The following DNAJC10 variants were observed in gnomAD, a reference collection of about 807,000 sequenced individuals.
The protein encoded by DNAJC10 is DnaJ heat shock protein family (Hsp40) member C10.
In DNAJC10, 101 loss-of-function variants were observed where a neutral mutation model predicts 115.0. The ratio of observed to expected loss-of-function variants is 0.88; its 90% CI spans 0.75 to 1.04. The LOEUF is 1.04. Among genes scored for constraint, DNAJC10 ranks in the 50% least tolerant of loss-of-function variants. The pLI, the probability that DNAJC10 is intolerant of heterozygous loss-of-function variation, is 0.00. For synonymous variants in DNAJC10, 307 were observed against 301.5 expected (o/e 1.02, Z -0.19); for missense variants, 981 against 928.8 (o/e 1.06, Z -0.73).
At position 182,792,551 on chromosome 2, in the gene DNAJC10, C is replaced by T. The variant is rs1400861078; in HGVS notation, c.*15419C>T. On this transcript the variant is annotated 3_prime_UTR_variant, in exon 24 of 24. Transcript: ENST00000264065. ...TGTTTGAAAGAACACCTCTTTGCTC[C>T]CCACAGATTACAGACCTATTGGCTT... The T allele has an allele frequency of 6.6e-6, 1 of 152,158 alleles. No individual in the cohort carries two copies. Among genetic ancestry groups the T allele is most frequent in the African/African-American group, 2.4e-5 (1 of 41,432 alleles). The allele number at this position is 152,158 out of a possible 1,614,324, so 9.4% of individuals were successfully genotyped here.
In DNAJC10 at chr2:182,792,843, T is replaced by G. The variant is rs1222462848; in HGVS notation, c.*15711T>G. The G allele has an allele frequency of 1.3e-5, 2 of 152,196 alleles. No individual in the cohort carries two copies. The highest frequency in any genetic ancestry group is 2.9e-5 in the Non-Finnish European group (2 of 68,040). The allele number at this position is 152,196 out of a possible 1,614,324, so 9.4% of individuals were successfully genotyped here. A position where few individuals can be genotyped will look rare whatever the true frequency, so the allele number is the denominator to read the frequency against. Reference sequence around the variant, plus strand: ...AATGTGCTAGGCTTTGTTCTATGCATTTAAGATAGTGTATTAAATGTATTG... The same window carrying G: ...AATGTGCTAGGCTTTGTTCTATGCAGTTAAGATAGTGTATTAAATGTATTG... On this transcript the variant is annotated 3_prime_UTR_variant, in exon 24 of 24. Transcript: ENST00000264065.
chr2:182,762,294 T>C (rs1012154821), intron 21 of DNAJC10, among the ~76,000 whole-genome samples: 1 of 152,076 alleles, frequency 6.6e-6, no homozygotes, highest in South Asian at 2.1e-4. Flanking sequence ...AGAATACAGG[T>C]GGAGTAAGTC....
Position 182,743,729 on chromosome 2 carries a change from A to G in DNAJC10, c.1306+17A>G, listed in dbSNP as rs781146087. 3 of 1,520,752 alleles carry G rather than the reference A, an allele frequency of 2.0e-6. No individual in the cohort carries two copies. Among genetic ancestry groups the G allele is most frequent in the Non-Finnish European group, 2.7e-6 (3 of 1,115,042 alleles). 94.2% of individuals were successfully genotyped at this position (1,520,752 alleles called of 1,614,324 possible). ...TTCATCATGGTAAGAATGGAAAAAA[A>G]TGATAAAAAAAAACTTAGCTTCATT... On this transcript the variant is annotated intron_variant, in intron 14 of 23. Coordinates refer to ENST00000264065, the MANE Select transcript of DNAJC10 (RefSeq NM_018981.4).
At position 182,784,759 on chromosome 2, in the gene DNAJC10, G is replaced by A. The variant is rs1036434659; in HGVS notation, c.*7627G>A. On this transcript the variant is annotated 3_prime_UTR_variant, in exon 24 of 24. Transcript: ENST00000264065. ...TAAGGTAGCTCTACCTGCTAAAGTA[G>A]CACCTATTCTTTTGAAAGGAACTTT... 6.6e-6 allele frequency: 1 copy of A among 152,148 alleles called. No homozygotes were observed. The highest frequency in any genetic ancestry group is 6.5e-5 in the Admixed American group (1 of 15,270). The allele number at this position is 152,148 out of a possible 1,614,324, so 9.4% of individuals were successfully genotyped here. A position where few individuals can be genotyped will look rare whatever the true frequency, so the allele number is the denominator to read the frequency against.
chr2:182,759,307 G>C lies in DNAJC10; in HGVS notation c.2145G>C (p.Arg715Ser). 1.2e-6 allele frequency: 2 copies of C among 1,608,338 alleles called. No individual in the cohort carries two copies. The highest frequency in any genetic ancestry group is 2.7e-5 in the African/African-American group (2 of 74,682). The change falls in exon 21 of 24, where the codon AGG becomes AGC. Residue 715 changes from arginine to serine, a missense_variant and splice_region_variant. Arg to Ser is a moderately radical substitution (Grantham distance 110). Transcript: ENST00000264065. ...CTCCAGAATTTGAGCTCTTGGCTAG[G>C]GTAAGTCATACCTGTCTTAAATAAG... is the stretch of plus-strand genomic sequence containing the variant. ...NFAPEFELLA[R>S]MIKGKVKAGK...
At position 182,783,722 on chromosome 2, in the gene DNAJC10, A is replaced by G. The variant is rs1559034325; in HGVS notation, c.*6590A>G. The G allele has an allele frequency of 6.6e-6, 1 of 152,118 alleles. No individual in the cohort carries two copies. The highest frequency in any genetic ancestry group is 2.4e-5 in the African/African-American group (1 of 41,440). The allele number at this position is 152,118 out of a possible 1,614,324, so 9.4% of individuals were successfully genotyped here. On this transcript the variant is annotated 3_prime_UTR_variant, in exon 24 of 24. Transcript: ENST00000264065. ...ATGTTTAATGATTTTAAACATGTTT[A>G]TATATATTTTTCAGACTTGGAACAG...
intron 22 of DNAJC10, among the ~76,000 whole-genome samples, chr2:182,774,890 A>C (rs577866670): frequency 1.4e-4 from 22 of 152,328 alleles, no homozygotes; most frequent in South Asian, 6.2e-4. Context: ...AGTCCCAATG[A>C]GAAGAACCAG....
rs761631555 is a variant in DNAJC10 at position 182,728,999 on chromosome 2, G to A, written c.633+5G>A. 2.5e-6 allele frequency: 4 copies of A among 1,613,198 alleles called. No homozygotes were observed. In the East Asian group the frequency reaches 6.7e-5, roughly 27 times the overall value. On this transcript the variant is annotated splice_donor_5th_base_variant and intron_variant, in intron 7 of 23. Coordinates refer to ENST00000264065, the MANE Select transcript of DNAJC10 (RefSeq NM_018981.4). ...TTCATTTTTCGGTCTGGAATGGTAAGGGATAAAGTTAGCATTTTTTAAATT... is the reference window on the plus strand; with the variant it reads ...TTCATTTTTCGGTCTGGAATGGTAAAGGATAAAGTTAGCATTTTTTAAATT...
Position 182,793,812 on chromosome 2 carries a change from G to T in DNAJC10, c.*16680G>T, listed in dbSNP as rs931592122. ...AGCAATCCTAAAATTTTCCAGAGAG[G>T]AAACACATCACACACACACACACAC... On this transcript the variant is annotated 3_prime_UTR_variant, in exon 24 of 24. Coordinates refer to ENST00000264065, the MANE Select transcript of DNAJC10 (RefSeq NM_018981.4). 1.3e-4 allele frequency: 14 copies of T among 107,774 alleles called. No individual in the cohort carries two copies. The highest frequency in any genetic ancestry group is 2.6e-4 in the Non-Finnish European group (14 of 54,890). 6.7% of individuals were successfully genotyped at this position (107,774 alleles called of 1,614,324 possible). A position where few individuals can be genotyped will look rare whatever the true frequency, so the allele number is the denominator to read the frequency against.
rs1693472484 is a variant in DNAJC10, at chr2:182,732,360, A to C, written c.806-139A>C. 6 of 768,702 alleles carry C rather than the reference A, an allele frequency of 7.8e-6. No homozygotes were observed. The Admixed American group carries it at 1.2e-4, about 15-fold the overall frequency. The allele number at this position is 768,702 out of a possible 1,614,324, so 47.6% of individuals were successfully genotyped here. A position where few individuals can be genotyped will look rare whatever the true frequency, so the allele number is the denominator to read the frequency against. The stretch of plus-strand genomic sequence containing the variant: ...TTTGTATGTGTGTGTGTGTAGAAGG[A>C]TTTCCATATCTATCAATAGAGTCCA... On this transcript the variant is annotated intron_variant, in intron 9 of 23. Coordinates refer to ENST00000264065, the MANE Select transcript of DNAJC10 (RefSeq NM_018981.4).
At chr2:182,768,064 A>G (rs1694462645) in intron 22 of DNAJC10, among the ~76,000 whole-genome samples, 1 of 152,154 alleles carries the variant, frequency 6.6e-6, no homozygotes, top group African/African-American at 2.4e-5. Flanking sequence ...TGGTGGTTAC[A>G]TTTTGTGATG....
Position 182,758,879 on chromosome 2 carries a change from C to G in DNAJC10, c.1986C>G (p.Ile662Met), listed in dbSNP as rs1246457262. 1.2e-6 allele frequency: 2 copies of G among 1,605,868 alleles called. No homozygotes were observed. The highest frequency in any genetic ancestry group is 1.7e-4 in the Middle Eastern group (1 of 6,030). The part of the protein sequence containing the change: ...GWNRDAYSLR[I>M]WGLGFLPQVS... ...ATAGGGATGCTTATTCCCTGAGAAT[C>G]TGGGGTCTAGGGTGAGTAATTAAAA... Residue 662 changes from isoleucine to methionine, a missense_variant, in exon 20 of 24, where the codon ATC becomes ATG. By Grantham distance (10) the Ile-to-Met change is conservative. Coordinates refer to ENST00000264065, the MANE Select transcript of DNAJC10 (RefSeq NM_018981.4).
At chr2:182,766,667 A>G (rs938821338) in intron 22 of DNAJC10, among the ~76,000 whole-genome samples, 1 of 152,172 alleles carries the variant, frequency 6.6e-6, no homozygotes, top group African/African-American at 2.4e-5. Context: ...GATGCTGGAA[A>G]TAGGAAATGA....
intron 4 of DNAJC10, 30 bp downstream of exon 4, chr2:182,720,199 G>A (rs370741044): frequency 9.6e-6 from 15 of 1,559,666 alleles, no homozygotes; most frequent in Non-Finnish European, 1.3e-5. Context: ...CTTATGAAAT[G>A]TGTTTTATCT....
intron 14 of DNAJC10, among the ~76,000 whole-genome samples, chr2:182,746,032 C>A (rs181445625): frequency 3.3e-5 from 5 of 152,236 alleles, no homozygotes; most frequent in Non-Finnish European, 5.9e-5. Context: ...ATGATGATTT[C>A]CAGTTTCATC....
At chr2:182,752,777 T>C (rs1231473152) in intron 16 of DNAJC10, among the ~76,000 whole-genome samples, 1 of 151,590 alleles carries the variant, frequency 6.6e-6, no homozygotes, top group Non-Finnish European at 1.5e-5. Context: ...CTTTAGGAAA[T>C]TGAATGACAG....
Position 182,755,096 on chromosome 2 carries a change from T to C in DNAJC10, c.1645T>C (p.Phe549Leu). Residue 549 changes from phenylalanine (F) to leucine (L), a missense_variant, in exon 17 of 24, where the codon TTC becomes CTC. Physicochemically the swap from Phe to Leu is conservative, Grantham distance 22. Transcript: ENST00000264065. ...TCACTCTGCTGAACAAATCTTGGAG[T>C]TCATAGAGGTATTTCAGATTATAGA... ...GHHSAEQILE[F>L]IEDLMNPSVV... is the part of the protein sequence containing the mutation. 6.3e-7 allele frequency: 1 copy of C among 1,583,808 alleles called. No individual in the cohort carries two copies. Among genetic ancestry groups the C allele is most frequent in the Non-Finnish European group, 8.7e-7 (1 of 1,152,778 alleles).
At chr2:182,747,120 T>G (rs1693888528) in intron 14 of DNAJC10, among the ~76,000 whole-genome samples, 1 of 152,012 alleles carries the variant, frequency 6.6e-6, no homozygotes, top group African/African-American at 2.4e-5. Context: ...ACCATGCTGT[T>G]TTGGTTACTG....
chr2:182,730,856 G>T (rs1433900801), intron 8 of DNAJC10, among the ~76,000 whole-genome samples, 174 bp from the exon 9 acceptor site: 1 of 152,058 alleles, frequency 6.6e-6, no homozygotes, highest in East Asian at 1.9e-4. Flanking sequence ...AAAAATTGGA[G>T]AGCCATTGAA....
Sources: gnomAD v4.1 joint callset for allele counts (sites outside exome capture counted in the v4.1 genomes callset) on GRCh38, gnomAD v4.1.1 for gene constraint, MANE v1.5 for transcripts, NCBI Gene and HGNC (gene_info 2026-07-23, HGNC 2026-07-21) for gene names.